Variants in ZNF710 observed in about 807,000 individuals in gnomAD.
ZNF710 encodes zinc finger protein 710.
Under a neutral mutation model 50.6 loss-of-function variants are expected in ZNF710, and 13 were observed. The observed-to-expected ratio is 0.26, with a 90% CI of 0.17 to 0.41. The LOEUF (loss-of-function observed/expected upper bound fraction) is 0.41, where lower values mean the gene tolerates loss of function less well. Among genes scored for constraint, ZNF710 ranks in the 10% least tolerant of loss-of-function variants. The probability of loss-of-function intolerance (pLI) is 1.00; values close to 1 mark genes in which losing one functional copy is unlikely to be tolerated. For missense variants in ZNF710, 721 were observed against 936.6 expected, an observed-to-expected ratio of 0.77 and a Z score of 3.01; for synonymous variants, 383 against 397.0, an observed-to-expected ratio of 0.96 and a Z score of 0.42.
At chr15:90,061,530 G>A (rs1485932391) in intron 1 of ZNF710, among the ~76,000 whole-genome samples, 1 of 152,126 alleles carries the variant, frequency 6.6e-6, no homozygotes, top group Non-Finnish European at 1.5e-5. Context: ...TGTCCAGGTG[G>A]CCACAAGGTC....
At position 90,067,737 on chromosome 15, in the gene ZNF710, C is replaced by T. The variant is rs777474062; in HGVS notation, c.600C>T (p.Pro200=). ...HFPAPARDGF[P]EPSMALPGPE... ...CGGCCCCGGCCCGGGATGGCTTCCC[C>T]GAGCCCAGCATGGCGCTGCCTGGGC... The change falls in exon 2 of 5, where the codon CCC becomes CCT. Residue 200 remains proline, a synonymous_variant. Coordinates refer to ENST00000268154, the MANE Select transcript of ZNF710 (RefSeq NM_198526.4). The surrounding 1 kb of genome is among the most constrained non-coding windows in gnomAD (Gnocchi z 8.1). 43 of 1,600,808 alleles carry T rather than the reference C, an allele frequency of 2.7e-5. No individual in the cohort carries two copies. The highest frequency in any genetic ancestry group is 1.2e-4 in the South Asian group (11 of 89,862).
chr15:90,046,704 G>A (rs1245354519), intron 1 of ZNF710, among the ~76,000 whole-genome samples: 1 of 152,184 alleles, frequency 6.6e-6, no homozygotes, highest in African/African-American at 2.4e-5. Context: ...GTGCAAGTTG[G>A]GTGCTAACAC....
rs149658805 is a variant in ZNF710 at position 90,039,194 on chromosome 15, G to C, written c.-28-27916G>C. Among the ~76,000 whole-genome samples the C allele has an allele frequency of 8.8e-3, 1,341 of 152,008 alleles. 20 individuals are homozygous for C. Among genetic ancestry groups the C allele is most frequent in the African/African-American group, 0.031 (1,285 of 41,448 alleles). ...CTCGGGAGGCTGAGGCAGGAGAATC[G>C]CTTGAACCCAGGAGGTGGAGGTTGC... On this transcript the variant is annotated intron_variant, in intron 1 of 4. Transcript: ENST00000268154.
At chr15:90,002,094 T>A (rs2151452608) in intron 1 of ZNF710, among the ~76,000 whole-genome samples, 1 of 150,596 alleles carries the variant, frequency 6.6e-6, no homozygotes, top group East Asian at 2.0e-4. Context: ...CACGTGGGTG[T>A]CCCGGTGCTG....
At position 90,034,636 on chromosome 15, in the gene ZNF710, C is replaced by A. The variant is rs1899061016; in HGVS notation, c.-28-32474C>A. The stretch of plus-strand genomic sequence containing the variant: ...TGAGCCTCCTCCGGCCTCTGCCTCA[C>A]CCGCCAGCTCTTCTCACCCCTTCTG... On this transcript the variant is annotated intron_variant, in intron 1 of 4. Coordinates refer to ENST00000268154, the MANE Select transcript of ZNF710 (RefSeq NM_198526.4). This position sits in a 1 kb window ranked among gnomAD's most constrained non-coding sequence, Gnocchi z 4.0. Among the ~76,000 whole-genome samples, 1 of 152,134 alleles carries A rather than the reference C, an allele frequency of 6.6e-6. No homozygotes were observed. Among genetic ancestry groups the A allele is most frequent in the South Asian group, 2.1e-4 (1 of 4,832 alleles).
At position 90,068,374 on chromosome 15, in the gene ZNF710, G is replaced by A. The variant is rs374622168; in HGVS notation, c.1237G>A (p.Gly413Ser). 75 of 1,612,770 alleles carry A rather than the reference G, an allele frequency of 4.7e-5. No individual in the cohort carries two copies. Among genetic ancestry groups the A allele is most frequent in the Non-Finnish European group, 5.8e-5 (68 of 1,179,498 alleles). ...SGRCHVCVEC[G>S]LDFSTLTQLK... is the part of the protein sequence containing the mutation. ...CCGCTGCCATGTCTGCGTCGAGTGC[G>A]GCCTGGACTTCTCCACCCTGACCCA... is the stretch of plus-strand genomic sequence containing the variant. Residue 413 changes from glycine to serine, a missense_variant, in exon 2 of 5, where the codon GGC becomes AGC. By Grantham distance (56) the Gly-to-Ser change is moderately conservative. Coordinates refer to ENST00000268154, the MANE Select transcript of ZNF710 (RefSeq NM_198526.4). The surrounding 1 kb of genome is among the most constrained non-coding windows in gnomAD (Gnocchi z 5.0).
chr15:90,015,573 C>T (rs2151468462), intron 1 of ZNF710, among the ~76,000 whole-genome samples: 1 of 152,086 alleles, frequency 6.6e-6, no homozygotes, highest in African/African-American at 2.4e-5. Flanking sequence ...AATAAATTAT[C>T]CAGCCACCAT....
At chr15:90,005,936 T>C (rs1306644639) in intron 1 of ZNF710, among the ~76,000 whole-genome samples, 1 of 152,166 alleles carries the variant, frequency 6.6e-6, no homozygotes, top group Non-Finnish European at 1.5e-5. Flanking sequence ...AGAGCTGGTA[T>C]CTAAACCCAG....
chr15:90,045,258 G>A (rs1435393773), intron 1 of ZNF710: 1 of 891,128 alleles, frequency 1.1e-6, no homozygotes, highest in Non-Finnish European at 1.3e-6. Context: ...GAAAAGCCTT[G>A]CAAAACCTCA....
intron 1 of ZNF710, among the ~76,000 whole-genome samples, chr15:90,010,014 C>T (rs909028817): frequency 3.9e-5 from 6 of 152,132 alleles, no homozygotes; most frequent in African/African-American, 1.4e-4. Flanking sequence ...TCTGGCTCAT[C>T]ACTCTGGGTC....
chr15:90,032,143 G>A (rs1441262032), intron 1 of ZNF710, among the ~76,000 whole-genome samples: 2 of 152,156 alleles, frequency 1.3e-5, no homozygotes, highest in Non-Finnish European at 2.9e-5. Context: ...GATTAGAGGC[G>A]CCTGCCACCA....
chr15:90,005,452 T>C (rs1596259873), intron 1 of ZNF710, among the ~76,000 whole-genome samples: 1 of 152,084 alleles, frequency 6.6e-6, no homozygotes, highest in Admixed American at 6.5e-5. Context: ...TTTTTAGATT[T>C]TTTTTTTCTT....
Position 90,062,394 on chromosome 15 carries a change from A to T in ZNF710, c.-28-4716A>T, listed in dbSNP as rs1900039136. On this transcript the variant is annotated intron_variant, in intron 1 of 4. Transcript: ENST00000268154. This position sits in a 1 kb window ranked among gnomAD's most constrained non-coding sequence, Gnocchi z 5.6. Reference sequence around the variant, plus strand: ...ACATCCCAGCCAGTGGTCGCCCCTCATCTTGCCAGCCTGGGGCAGTCTGAG... The same window carrying T: ...ACATCCCAGCCAGTGGTCGCCCCTCTTCTTGCCAGCCTGGGGCAGTCTGAG... Among the ~76,000 whole-genome samples, 1 of 152,084 alleles carries T rather than the reference A, an allele frequency of 6.6e-6. No individual in the cohort carries two copies. The highest frequency in any genetic ancestry group is 1.5e-5 in the Non-Finnish European group (1 of 67,994).
intron 1 of ZNF710, among the ~76,000 whole-genome samples, chr15:90,055,777 G>T (rs1263110375): frequency 1.3e-5 from 2 of 152,202 alleles, no homozygotes; most frequent in African/African-American, 2.4e-5. Flanking sequence ...AGCCTGAGCT[G>T]GGGGGTGACC....
intron 1 of ZNF710, among the ~76,000 whole-genome samples, chr15:90,037,749 G>A (rs989041390): frequency 2.0e-5 from 3 of 152,212 alleles, no homozygotes; most frequent in African/African-American, 7.2e-5. Flanking sequence ...ACCTTTGGAT[G>A]TGGGGTGCCA....
Position 90,071,769 on chromosome 15 carries a change from C to G in ZNF710, c.1459-1302C>G, listed in dbSNP as rs142643140. Among the ~76,000 whole-genome samples, 147 of 151,122 alleles carry G rather than the reference C, an allele frequency of 9.7e-4. 1 individual carries two copies. The highest frequency in any genetic ancestry group is 3.3e-3 in the African/African-American group (137 of 41,018). ...TCTCAGCTCACTGCAACCTCCGCCT[C>G]CTGGGTTTAAGCAATTCTACTGCCT... On this transcript the variant is annotated intron_variant, in intron 2 of 4. Coordinates refer to ENST00000268154, the MANE Select transcript of ZNF710 (RefSeq NM_198526.4).
At chr15:90,025,618 C>T (rs1395563906) in intron 1 of ZNF710, 1 of 152,138 alleles carries the variant, frequency 6.6e-6, no homozygotes. Flanking sequence ...TTTGACATAA[C>T]ATTATGGCAA....
At chr15:90,030,329 C>CAAAAAAAAAAAAAA (rs10685083) in intron 1 of ZNF710, among the ~76,000 whole-genome samples, 3 of 50,504 alleles carry the variant, frequency 5.9e-5, no homozygotes, top group African/African-American at 7.6e-5. Context: ...AACTCCATCT[C>CAAAAAAAAAAAAAA]AAAAAAAAAA....
intron 1 of ZNF710, among the ~76,000 whole-genome samples, chr15:90,058,630 T>C (rs1899901348): frequency 1.3e-5 from 2 of 151,752 alleles, no homozygotes; most frequent in Admixed American, 1.3e-4. Context: ...GGGGAGATGA[T>C]CCACAGTGTG....
Sources: allele counts gnomAD v4.1 joint callset (sites outside exome capture counted in the v4.1 genomes callset), GRCh38; gene constraint gnomAD v4.1.1; non-coding constraint Gnocchi (gnomAD v3.1); transcripts MANE v1.5; gene names NCBI Gene and HGNC (gene_info 2026-07-23, HGNC 2026-07-21).